Variants in MAGI3 observed in about 807,000 individuals in gnomAD.
MAGI3 encodes membrane-associated guanylate kinase, WW and PDZ domain-containing protein 3.
Under a neutral mutation model 121.8 loss-of-function variants are expected in MAGI3, and 43 were observed. The ratio of observed to expected loss-of-function variants is 0.35; its 90% CI spans 0.28 to 0.46. The LOEUF (loss-of-function observed/expected upper bound fraction) is 0.46. MAGI3 is among the 20% of genes least tolerant of loss of function. The pLI is 1.00. For missense variants in MAGI3, 1,547 were observed against 1,797.3 expected, an observed-to-expected ratio of 0.86 and a Z score of 2.52; for synonymous variants, 553 against 639.3, an observed-to-expected ratio of 0.86 and a Z score of 2.04.
chr1:113,633,219 CA>C (rs1312845255), intron 9 of MAGI3, among the ~76,000 whole-genome samples: 1 of 135,162 alleles, frequency 7.4e-6, no homozygotes, highest in Admixed American at 8.0e-5. Flanking sequence ...CATGTCCCTA[CA>C]AAGGACATGA....
intron 6 of MAGI3, among the ~76,000 whole-genome samples, chr1:113,611,134 T>C (rs1253829051): frequency 6.7e-6 from 1 of 150,322 alleles, no homozygotes; most frequent in Non-Finnish European, 1.5e-5. Context: ...TTGCCCAGGC[T>C]GGAGTGCAGT....
At chr1:113,444,911 A>G (rs1476703729) in intron 1 of MAGI3, among the ~76,000 whole-genome samples, 1 of 152,186 alleles carries the variant, frequency 6.6e-6, no homozygotes, top group East Asian at 1.9e-4. Context: ...AAAACCTAAA[A>G]AGAAACCAAA....
chr1:113,490,192 C>T (rs757624585), intron 1 of MAGI3, among the ~76,000 whole-genome samples: 5 of 152,190 alleles, frequency 3.3e-5, no homozygotes, highest in Non-Finnish European at 7.3e-5. Context: ...ACAGACCCCT[C>T]AGCAGAAACC....
At chr1:113,597,653 C>A (rs945708198) in intron 6 of MAGI3, among the ~76,000 whole-genome samples, 1 of 152,308 alleles carries the variant, frequency 6.6e-6, no homozygotes, top group East Asian at 1.9e-4. Context: ...GACTAAAGTA[C>A]ACTGACGCTC....
intron 6 of MAGI3, among the ~76,000 whole-genome samples, chr1:113,612,034 C>G (rs1010143585): frequency 1.3e-5 from 2 of 151,880 alleles, no homozygotes; most frequent in African/African-American, 4.8e-5. Context: ...ACCTCCACCT[C>G]CTGGGTTCAA....
At chr1:113,649,624 A>C (rs185232533) in intron 13 of MAGI3, among the ~76,000 whole-genome samples, 28 of 152,346 alleles carry the variant, frequency 1.8e-4, no homozygotes, top group African/African-American at 6.7e-4. Context: ...CTTTGCCCTC[A>C]TTAAACAGAG....
At chr1:113,471,569 GAGA>G (rs1365407307) in intron 1 of MAGI3, among the ~76,000 whole-genome samples, 1 of 151,994 alleles carries the variant, frequency 6.6e-6, no homozygotes, top group East Asian at 1.9e-4. Flanking sequence ...TTTTAACAAG[GAGA>G]AGGAGTACAC....
chr1:113,622,738 A>G lies in MAGI3; in HGVS notation c.1172-68A>G, dbSNP rs539693773. ...ATAACATTAAAAAGTCATATAAAAG[A>G]TTGACTCTGAGTGCTATATTCATTG... is the stretch of plus-strand genomic sequence containing the variant. On this transcript the variant is annotated intron_variant, in intron 8 of 20. Coordinates refer to ENST00000307546, the MANE Select transcript of MAGI3 (RefSeq NM_001142782.2). The G allele has an allele frequency of 1.5e-5, 19 of 1,248,388 alleles. No individual in the cohort carries two copies. The East Asian group carries it at 4.9e-4, about 32-fold the overall frequency. The allele number at this position is 1,248,388 out of a possible 1,614,324, so 77.3% of individuals were successfully genotyped here. A position where few individuals can be genotyped will look rare whatever the true frequency, so the allele number is the denominator to read the frequency against.
At chr1:113,559,536 C>T (rs1186860246) in intron 2 of MAGI3, among the ~76,000 whole-genome samples, 3 of 151,902 alleles carry the variant, frequency 2.0e-5, no homozygotes, top group African/African-American at 4.8e-5. Flanking sequence ...TATATGCTCC[C>T]GATACAGGAG....
intron 1 of MAGI3, among the ~76,000 whole-genome samples, chr1:113,477,951 T>G (rs1655921202): frequency 6.6e-6 from 1 of 152,198 alleles, no homozygotes; most frequent in African/African-American, 2.4e-5. Context: ...TCTCTAACTT[T>G]GTTTTCTTGC....
At chr1:113,505,838 G>C (rs1657303280) in intron 1 of MAGI3, among the ~76,000 whole-genome samples, 1 of 152,100 alleles carries the variant, frequency 6.6e-6, no homozygotes, top group Non-Finnish European at 1.5e-5. Flanking sequence ...AGTGACTAAA[G>C]CATAGGGACA....
At chr1:113,394,165 C>G (rs1173698076) in intron 1 of MAGI3, among the ~76,000 whole-genome samples, 1 of 152,082 alleles carries the variant, frequency 6.6e-6, no homozygotes, top group Non-Finnish European at 1.5e-5. Flanking sequence ...CAGCTACTGT[C>G]TTTAGCTTTG....
intron 8 of MAGI3, among the ~76,000 whole-genome samples, chr1:113,622,436 C>T (rs1650886585): frequency 6.6e-6 from 1 of 152,060 alleles, no homozygotes; most frequent in Admixed American, 6.5e-5. Context: ...TCACTCCTTC[C>T]ATCAGTTATA....
rs773031720 is a variant in MAGI3, at chr1:113,653,938, A to G, written c.2549A>G (p.Tyr850Cys). Reference protein sequence around the residue: ...VPARPAPQEPYDVVLQRKENE... With the variant: ...VPARPAPQEPCDVVLQRKENE... Reference sequence around the variant, plus strand: ...GCCAGGCCTGCACCCCAGGAGCCCTATGATGTTGTCTTGCAACGAAAAGAA... The same window carrying G: ...GCCAGGCCTGCACCCCAGGAGCCCTGTGATGTTGTCTTGCAACGAAAAGAA... Residue 850 changes from tyrosine (Y) to cysteine (C), a missense_variant, in exon 15 of 21, where the codon TAT becomes TGT. Tyr to Cys is a radical substitution (Grantham distance 194). Coordinates refer to ENST00000307546, the MANE Select transcript of MAGI3 (RefSeq NM_001142782.2). 11 of 1,613,952 alleles carry G rather than the reference A, an allele frequency of 6.8e-6. No homozygotes were observed. The highest frequency in any genetic ancestry group is 4.5e-5 in the East Asian group (2 of 44,868).
intron 1 of MAGI3, chr1:113,450,506 G>A: frequency 9.9e-7 from 1 of 1,014,510 alleles, no homozygotes; most frequent in Non-Finnish European, 1.6e-6. Flanking sequence ...TGGATATGGT[G>A]GAGGTGGTGG....
At chr1:113,494,839 G>T (rs1488795527) in intron 1 of MAGI3, among the ~76,000 whole-genome samples, 4 of 152,086 alleles carry the variant, frequency 2.6e-5, no homozygotes, top group African/African-American at 4.8e-5. Context: ...ACTTAATTCA[G>T]ATTAATGAGC....
At chr1:113,437,061 G>A (rs1018680026) in intron 1 of MAGI3, among the ~76,000 whole-genome samples, 2 of 152,022 alleles carry the variant, frequency 1.3e-5, no homozygotes, top group African/African-American at 2.4e-5. Flanking sequence ...TGATCCGCCT[G>A]CCTTGGCCTC....
chr1:113,511,256 G>A (rs1368632075), intron 1 of MAGI3, among the ~76,000 whole-genome samples: 1 of 152,148 alleles, frequency 6.6e-6, no homozygotes, highest in Non-Finnish European at 1.5e-5. Context: ...TTTAGTTGTG[G>A]GTAGGGGGAG....
At chr1:113,614,400 T>G (rs755719355) in intron 6 of MAGI3, among the ~76,000 whole-genome samples, 2 of 152,190 alleles carry the variant, frequency 1.3e-5, no homozygotes, top group Admixed American at 1.3e-4. Context: ...TCTTCTGTTC[T>G]GGGCTTCTGA....
Sources: allele counts gnomAD v4.1 joint callset (sites outside exome capture counted in the v4.1 genomes callset), GRCh38; gene constraint gnomAD v4.1.1; transcripts MANE v1.5; gene names NCBI Gene and HGNC (gene_info 2026-07-23, HGNC 2026-07-21).